DAAM1: variants seen among roughly 807,000 people sequenced by gnomAD.
DAAM1 encodes disheveled-associated activator of morphogenesis 1.
DAAM1 carries 52 observed loss-of-function variants against 130.0 expected under a neutral mutation model. That is an observed-to-expected ratio of 0.40 (90% CI 0.32 to 0.50). DAAM1 has a LOEUF of 0.50. Among genes scored for constraint, DAAM1 ranks in the 20% least tolerant of loss-of-function variants. DAAM1 has a pLI of 0.61. For missense variants in DAAM1, 1,134 were observed against 1,303.8 expected, an observed-to-expected ratio of 0.87 and a Z score of 2.01; for synonymous variants, 452 against 444.5, an observed-to-expected ratio of 1.02 and a Z score of -0.21.
intron 1 of DAAM1, among the ~76,000 whole-genome samples, chr14:59,262,657 T>A (rs1025624052): frequency 3.2e-4 from 12 of 37,806 alleles, no homozygotes; most frequent in South Asian, 2.1e-3. Flanking sequence ...TCTATTAGTG[T>A]GTGTGTGTGT....
chr14:59,244,173 A>C (rs1399592930), intron 1 of DAAM1, among the ~76,000 whole-genome samples: 1 of 151,234 alleles, frequency 6.6e-6, no homozygotes, highest in Non-Finnish European at 1.5e-5. Flanking sequence ...CATGTAAGAC[A>C]TGCCTTTCAT....
At chr14:59,236,665 G>C (rs1372685674) in intron 1 of DAAM1, among the ~76,000 whole-genome samples, 1 of 152,090 alleles carries the variant, frequency 6.6e-6, no homozygotes, top group Non-Finnish European at 1.5e-5. Context: ...AAATTAGAGT[G>C]ATTATCTTTG....
intron 3 of DAAM1, among the ~76,000 whole-genome samples, chr14:59,311,555 T>TAA (rs566202858): frequency 5.6e-5 from 8 of 141,952 alleles, no homozygotes; most frequent in Middle Eastern, 3.6e-3. Context: ...GTTTATAAGT[T>TAA]AAAAAAAAAA....
chr14:59,352,731 C>T (rs1050391512), intron 18 of DAAM1, 99 bp downstream of exon 18: 55 of 1,029,394 alleles, frequency 5.3e-5, no homozygotes, highest in Non-Finnish European at 7.2e-5. Context: ...ATTAACCTGG[C>T]TTAACTTGAA....
intron 3 of DAAM1, among the ~76,000 whole-genome samples, chr14:59,295,883 G>T (rs1883938178): frequency 6.6e-6 from 1 of 152,162 alleles, no homozygotes; most frequent in South Asian, 2.1e-4. Context: ...TACTGTGGTT[G>T]ATTAAATATA....
At chr14:59,361,380 C>T (rs1323633643) in intron 22 of DAAM1, among the ~76,000 whole-genome samples, 1 of 152,156 alleles carries the variant, frequency 6.6e-6, no homozygotes, top group Non-Finnish European at 1.5e-5. Flanking sequence ...AGCCACTTCC[C>T]TCAGCCTGGC....
chr14:59,302,738 C>G (rs945251373), intron 3 of DAAM1, among the ~76,000 whole-genome samples: 4 of 152,196 alleles, frequency 2.6e-5, no homozygotes, highest in Non-Finnish European at 5.9e-5. Context: ...ACTGGAAACT[C>G]CACCTTCCAG....
intron 2 of DAAM1, among the ~76,000 whole-genome samples, chr14:59,287,465 T>C (rs1269799015): frequency 6.6e-6 from 1 of 152,082 alleles, no homozygotes; most frequent in Non-Finnish European, 1.5e-5. Flanking sequence ...AATAAAAGGC[T>C]TCAAAATAAG....
At chr14:59,306,689 T>A (rs1482208937) in intron 3 of DAAM1, among the ~76,000 whole-genome samples, 1 of 147,880 alleles carries the variant, frequency 6.8e-6, no homozygotes, top group African/African-American at 2.5e-5. Flanking sequence ...GTTCACAGCT[T>A]TTTTTTTTTT....
Position 59,331,495 on chromosome 14 carries a change from C to T in DAAM1, c.1847C>T (p.Ser616Phe). ...AATGCCCTGAAATCCTTCAACTGGT[C>T]TAAACTGCCCGAGGTGAGCCATTTG... ...PTNALKSFNW[S>F]KLPENKLEGT... The change falls in exon 14 of 25, where the codon TCT becomes TTT. Residue 616 changes from serine (S) to phenylalanine (F), a missense_variant. Transcript: ENST00000360909. The T allele has an allele frequency of 6.3e-7, 1 of 1,597,044 alleles. No homozygotes were observed. The highest frequency in any genetic ancestry group is 8.6e-7 in the Non-Finnish European group (1 of 1,169,234).
intron 1 of DAAM1, among the ~76,000 whole-genome samples, chr14:59,211,504 A>G (rs918415258): frequency 4.6e-5 from 7 of 152,208 alleles, no homozygotes; most frequent in Non-Finnish European, 1.0e-4. Context: ...AGGAAGTCAC[A>G]TTTGTCTTCT....
intron 13 of DAAM1, 35 bp downstream of exon 13, chr14:59,330,723 A>G: frequency 6.4e-6 from 10 of 1,564,198 alleles, no homozygotes; most frequent in African/African-American, 1.4e-5. Context: ...GGCAGCTGCC[A>G]AGGCCTCACT....
chr14:59,320,607 GTT>G (rs751916037), intron 5 of DAAM1, 23 bp downstream of exon 5: 152 of 1,245,952 alleles, frequency 1.2e-4, no homozygotes, highest in South Asian at 4.6e-4. Context: ...TGGATGGCAT[GTT>G]TTTTTTTTTT....
chr14:59,299,470 A>G (rs890022407), intron 3 of DAAM1, among the ~76,000 whole-genome samples: 1 of 152,188 alleles, frequency 6.6e-6, no homozygotes, highest in African/African-American at 2.4e-5. Context: ...AGTCAATGGT[A>G]ACAATGGTGA....
At chr14:59,296,685 G>T (rs1028668521) in intron 3 of DAAM1, among the ~76,000 whole-genome samples, 1 of 152,174 alleles carries the variant, frequency 6.6e-6, no homozygotes, top group Non-Finnish European at 1.5e-5. Flanking sequence ...TTACAGCAGT[G>T]AGAGTTGATG....
rs947157070 is a variant in DAAM1, at chr14:59,369,405, C to T, written c.*546C>T. 3 of 152,536 alleles carry T rather than the reference C, an allele frequency of 2.0e-5. No homozygotes were observed. Among genetic ancestry groups the T allele is most frequent in the African/African-American group, 7.3e-5 (3 of 41,376 alleles). 9.4% of individuals were successfully genotyped at this position (152,536 alleles called of 1,614,324 possible). A position where few individuals can be genotyped will look rare whatever the true frequency, so the allele number is the denominator to read the frequency against. ...TGATGTATCACATCAGTAATAGGACCAGCTTTGAATTTCTGACATTGGTGT... is the reference window on the plus strand; with the variant it reads ...TGATGTATCACATCAGTAATAGGACTAGCTTTGAATTTCTGACATTGGTGT... On this transcript the variant is annotated 3_prime_UTR_variant, in exon 25 of 25. Coordinates refer to ENST00000360909, the MANE Select transcript of DAAM1 (RefSeq NM_001270520.2).
chr14:59,350,394 C>CACACAT (rs1886245741), intron 17 of DAAM1, among the ~76,000 whole-genome samples: 1 of 151,932 alleles, frequency 6.6e-6, no homozygotes, highest in South Asian at 2.1e-4. Context: ...ACACATATAC[C>CACACAT]ACACATACAC....
chr14:59,235,278 T>C lies in DAAM1; in HGVS notation c.-37-28163T>C, dbSNP rs1039010530. ...GCTGTGAATCCATCTGGTCCTGAGC[T>C]TTTTTTGGTTGGTAGGCTATTAATT... On this transcript the variant is annotated intron_variant, in intron 1 of 24. Coordinates refer to ENST00000360909, the MANE Select transcript of DAAM1 (RefSeq NM_001270520.2). 2.0e-5 allele frequency among the ~76,000 whole-genome samples: 3 copies of C among 152,150 alleles called. 1 individual carries two copies. Among genetic ancestry groups the C allele is most frequent in the Non-Finnish European group, 4.4e-5 (3 of 68,022 alleles).
intron 3 of DAAM1, among the ~76,000 whole-genome samples, chr14:59,296,242 C>T (rs1883949928): frequency 6.6e-6 from 1 of 152,188 alleles, no homozygotes; most frequent in Non-Finnish European, 1.5e-5. Flanking sequence ...AATTATCTGT[C>T]TTATCTACAT....
Sources: gnomAD v4.1 joint callset for allele counts (sites outside exome capture counted in the v4.1 genomes callset) on GRCh38, gnomAD v4.1.1 for gene constraint, MANE v1.5 for transcripts, NCBI Gene and HGNC (gene_info 2026-07-23, HGNC 2026-07-21) for gene names.